Variants in SMG6 observed in about 807,000 individuals in gnomAD.
The protein encoded by SMG6 is SMG6 nonsense mediated mRNA decay factor.
Under a neutral mutation model 142.2 loss-of-function variants are expected in SMG6, and 66 were observed. The ratio of observed to expected loss-of-function variants is 0.46; its 90% CI spans 0.38 to 0.57. The LOEUF is 0.57. Among genes scored for constraint, SMG6 ranks in the 20% least tolerant of loss-of-function variants. The probability of loss-of-function intolerance (pLI) is 0.00; values close to 1 mark genes in which losing one functional copy is unlikely to be tolerated. For missense variants in SMG6, 1,793 were observed against 1,832.0 expected, an observed-to-expected ratio of 0.98 and a Z score of 0.39; for synonymous variants, 779 against 702.4, an observed-to-expected ratio of 1.11 and a Z score of -1.72.
At chr17:2,103,084 G>C (rs182226891) in intron 13 of SMG6, among the ~76,000 whole-genome samples, 68 of 152,340 alleles carry the variant, frequency 4.5e-4, no homozygotes, top group African/African-American at 1.6e-3. Flanking sequence ...TGTGACTAAT[G>C]CTGCAGTGAA....
intron 13 of SMG6, among the ~76,000 whole-genome samples, chr17:2,136,033 T>TGC (rs2070291271): frequency 6.7e-6 from 1 of 148,358 alleles, no homozygotes; most frequent in African/African-American, 2.5e-5. Flanking sequence ...TGTGTGTGTG[T>TGC]GTGTCTGTGT....
intron 13 of SMG6, among the ~76,000 whole-genome samples, chr17:2,090,182 CAAAAAAAAAAAA>C (rs71150849): frequency 1.0e-5 from 1 of 96,674 alleles, no homozygotes; most frequent in South Asian, 3.5e-4. Flanking sequence ...GACTCTGTCT[CAAAAAAAAAAAA>C]AAAAAAAAGG....
chr17:2,076,801 G>C (rs1022682342), intron 15 of SMG6, among the ~76,000 whole-genome samples: 20 of 152,222 alleles, frequency 1.3e-4, no homozygotes, highest in African/African-American at 4.3e-4. Flanking sequence ...CCAGCTTGGT[G>C]CATGTGGGGC....
intron 12 of SMG6, among the ~76,000 whole-genome samples, chr17:2,174,689 C>G (rs754669683): frequency 6.6e-6 from 1 of 152,178 alleles, no homozygotes; most frequent in Non-Finnish European, 1.5e-5. Flanking sequence ...TTTCTAAAGC[C>G]TCTCTCAGCG....
chr17:2,242,867 G>A (rs936019139), intron 9 of SMG6, among the ~76,000 whole-genome samples: 2 of 152,090 alleles, frequency 1.3e-5, no homozygotes, highest in African/African-American at 4.8e-5. Flanking sequence ...ACTCACTAGT[G>A]ATTGTCTTGG....
intron 10 of SMG6, among the ~76,000 whole-genome samples, chr17:2,225,017 T>C (rs1318657913): frequency 6.6e-6 from 1 of 152,160 alleles, no homozygotes; most frequent in African/African-American, 2.4e-5. Flanking sequence ...ATTACTGGAA[T>C]AAGGGTAAAA....
Position 2,283,713 on chromosome 17 carries a change from TAGAC to T in SMG6, c.2356_2359del (p.Val786IlefsTer7), listed in dbSNP as rs2074842161. The T allele has an allele frequency of 1.9e-6, 3 of 1,613,892 alleles. No homozygotes were observed. The Admixed American group carries it at 5.0e-5, about 27-fold the overall frequency. On this transcript the variant is annotated frameshift_variant, in exon 7 of 19. Transcript: ENST00000263073. LOFTEE classifies it high-confidence loss of function. ...GGCAGCTAAACTGCGCATATAGTAA[TAGAC>T]AGCGTCAAGCTTCCTCCTCTGTGGA...
chr17:2,242,136 A>G (rs2151297333), intron 9 of SMG6, among the ~76,000 whole-genome samples: 1 of 152,276 alleles, frequency 6.6e-6, no homozygotes, highest in South Asian at 2.1e-4. Context: ...GAAAATTTAA[A>G]GAACAAACAT....
intron 13 of SMG6, among the ~76,000 whole-genome samples, chr17:2,128,986 T>C (rs549219034): frequency 2.0e-5 from 3 of 152,262 alleles, no homozygotes; most frequent in Admixed American, 1.3e-4. Context: ...GTCAAGAATA[T>C]GCTCATTTTG....
At position 2,178,157 on chromosome 17, in the gene SMG6, A is replaced by C. The variant is rs771971416; in HGVS notation, c.3156-5298T>G. ...CAACTCTGTTTGCATTGGGCGAAGG[A>C]TTTGATTCTGGTACCTCAGTGCTAG... On this transcript the variant is annotated intron_variant, in intron 12 of 18. Transcript: ENST00000263073. Among the ~76,000 whole-genome samples, 26 of 152,308 alleles carry C rather than the reference A, an allele frequency of 1.7e-4. No individual in the cohort carries two copies. In the Middle Eastern group the frequency reaches 0.01, roughly 60 times the overall value.
chr17:2,243,557 T>G (rs140634451), intron 9 of SMG6, among the ~76,000 whole-genome samples: 7 of 152,282 alleles, frequency 4.6e-5, no homozygotes, highest in African/African-American at 1.7e-4. Context: ...GGCATGTGCC[T>G]GTAATCCCAG....
intron 8 of SMG6, among the ~76,000 whole-genome samples, chr17:2,272,440 C>T (rs1041646960): frequency 2.0e-5 from 3 of 152,136 alleles, no homozygotes; most frequent in African/African-American, 7.2e-5. Flanking sequence ...TACAATCAAC[C>T]TTCATTGTTC....
intron 8 of SMG6, among the ~76,000 whole-genome samples, chr17:2,268,271 C>CA (rs2074467315): frequency 6.6e-6 from 1 of 152,096 alleles, no homozygotes; most frequent in Non-Finnish European, 1.5e-5. Flanking sequence ...CCTCATGATA[C>CA]AACTCTAGGA....
chr17:2,175,924 T>G (rs928045645), intron 12 of SMG6, among the ~76,000 whole-genome samples: 1 of 152,140 alleles, frequency 6.6e-6, no homozygotes, highest in African/African-American at 2.4e-5. Context: ...ATTCATATCA[T>G]CAGTTATCTC....
intron 10 of SMG6, among the ~76,000 whole-genome samples, chr17:2,189,319 T>G (rs1180443420): frequency 6.6e-6 from 1 of 152,190 alleles, no homozygotes; most frequent in African/African-American, 2.4e-5. Context: ...GTGGGAGCTA[T>G]GTGGCATACT....
chr17:2,102,154 A>G (rs2069025651), intron 13 of SMG6, among the ~76,000 whole-genome samples: 1 of 152,234 alleles, frequency 6.6e-6, no homozygotes, highest in Non-Finnish European at 1.5e-5. Context: ...CAAGATGCTA[A>G]TAACTCTGAA....
chr17:2,080,094 C>T (rs2068372520), intron 15 of SMG6, among the ~76,000 whole-genome samples: 1 of 135,944 alleles, frequency 7.4e-6, no homozygotes, highest in Non-Finnish European at 1.6e-5. Context: ...CAAAACAAAA[C>T]AAAACAAAAC....
chr17:2,093,674 TGAA>T (rs2068783525), intron 13 of SMG6, among the ~76,000 whole-genome samples: 1 of 152,184 alleles, frequency 6.6e-6, no homozygotes, highest in Non-Finnish European at 1.5e-5. Flanking sequence ...ACCTGGCTGT[TGAA>T]GCTGCAAAAA....
At chr17:2,218,199 C>T (rs1210321883) in intron 10 of SMG6, among the ~76,000 whole-genome samples, 1 of 152,044 alleles carries the variant, frequency 6.6e-6, no homozygotes, top group Non-Finnish European at 1.5e-5. Context: ...GAATGATGTG[C>T]TTCTCCCATA....
Sources: allele counts gnomAD v4.1 joint callset (sites outside exome capture counted in the v4.1 genomes callset), GRCh38; gene constraint gnomAD v4.1.1; transcripts MANE v1.5; gene names NCBI Gene and HGNC (gene_info 2026-07-23, HGNC 2026-07-21).